Variants in RBFOX1 observed in about 807,000 individuals in gnomAD.
The protein encoded by RBFOX1 is RNA binding protein fox-1 homolog 1.
In RBFOX1, 8 loss-of-function variants were observed where a neutral mutation model predicts 57.7. That is an observed-to-expected ratio of 0.14 (90% CI 0.08 to 0.25). The LOEUF (loss-of-function observed/expected upper bound fraction) is 0.25, where lower values mean the gene tolerates loss of function less well. Ranked by LOEUF, RBFOX1 falls within the 10% of genes least tolerant of loss-of-function variation. RBFOX1 has a pLI of 1.00. For synonymous variants in RBFOX1, 326 were observed against 222.4 expected (o/e 1.47, Z -4.15); for missense variants, 611 against 548.5 (o/e 1.11, Z -1.14).
intron 4 of RBFOX1, among the ~76,000 whole-genome samples, chr16:7,154,877 A>G (rs1036488611): frequency 6.6e-6 from 1 of 152,184 alleles, no homozygotes; most frequent in Non-Finnish European, 1.5e-5. Flanking sequence ...AACCCACTTC[A>G]TAGGTAAGGA....
At chr16:6,933,832 C>G (rs899849571) in intron 3 of RBFOX1, among the ~76,000 whole-genome samples, 3 of 152,188 alleles carry the variant, frequency 2.0e-5, no homozygotes, top group African/African-American at 4.8e-5. Flanking sequence ...GTGTTTACCT[C>G]TCTTTATCTT....
chr16:7,371,856 G>C (rs1168499222), intron 4 of RBFOX1, among the ~76,000 whole-genome samples: 1 of 152,136 alleles, frequency 6.6e-6, no homozygotes, highest in Non-Finnish European at 1.5e-5. Context: ...TAAATGCCCT[G>C]TGTGACTTTA....
chr16:6,441,720 C>T (rs1183272027), intron 2 of RBFOX1, among the ~76,000 whole-genome samples: 8 of 152,070 alleles, frequency 5.3e-5, no homozygotes. Context: ...GTGCAGTCAG[C>T]TTCATTTTCT....
intron 2 of RBFOX1, among the ~76,000 whole-genome samples, chr16:6,615,568 T>TA (rs59851539): frequency 0.019 from 2,682 of 138,838 alleles, 34 homozygotes; most frequent in Middle Eastern, 0.043. Context: ...AATCTCCATC[T>TA]AAAAAAAAAA....
At chr16:7,543,904 A>G (rs1051095316) in intron 5 of RBFOX1, among the ~76,000 whole-genome samples, 1 of 151,504 alleles carries the variant, frequency 6.6e-6, no homozygotes, top group Non-Finnish European at 1.5e-5. Context: ...TATTTTTAGT[A>G]GAGACAGAGT....
At chr16:7,054,394 C>G (rs2051315419) in intron 4 of RBFOX1, among the ~76,000 whole-genome samples, 1 of 151,672 alleles carries the variant, frequency 6.6e-6, no homozygotes, top group Non-Finnish European at 1.5e-5. Flanking sequence ...CACGCGCCAC[C>G]ACGCCCAGCT....
chr16:6,604,665 T>C (rs1324092002), intron 2 of RBFOX1, among the ~76,000 whole-genome samples: 3 of 152,234 alleles, frequency 2.0e-5, no homozygotes, highest in Non-Finnish European at 4.4e-5. Context: ...TCTACTTTTG[T>C]GCATATTGAA....
chr16:6,711,579 G>C (rs1200655298), intron 3 of RBFOX1, among the ~76,000 whole-genome samples: 1 of 152,174 alleles, frequency 6.6e-6, no homozygotes, highest in Non-Finnish European at 1.5e-5. Flanking sequence ...TGTCTCTCCT[G>C]ACACCATGTA....
In RBFOX1 at chr16:6,248,129, C is replaced by T. The variant is rs142425295; in HGVS notation, c.-126-68866C>T. ...TCCTTCCATAATAGGAGCCAGTGTA[C>T]CAGAAGAGGCTGACCTTAAGTTGCG... is the stretch of plus-strand genomic sequence containing the variant. On this transcript the variant is annotated intron_variant, in intron 1 of 15. Transcript: ENST00000550418. Among the ~76,000 whole-genome samples the T allele has an allele frequency of 9.9e-5, 15 of 152,108 alleles. No homozygotes were observed. The East Asian group carries it at 2.9e-3, about 29-fold the overall frequency.
chr16:6,387,032 G>C (rs2092331098), intron 2 of RBFOX1, among the ~76,000 whole-genome samples: 2 of 152,186 alleles, frequency 1.3e-5, no homozygotes, highest in Non-Finnish European at 2.9e-5. Flanking sequence ...ATAGGTTCTG[G>C]AGAGGAACTT....
chr16:7,075,589 C>T (rs534034564), intron 4 of RBFOX1, among the ~76,000 whole-genome samples: 1,529 of 151,296 alleles, frequency 0.01, 28 homozygotes, highest in African/African-American at 0.035. Flanking sequence ...ATTTATTTTT[C>T]TTTTTTTATG....
chr16:5,642,446 T>C (rs2048911608), intron 3 of RBFOX1, among the ~76,000 whole-genome samples: 1 of 152,210 alleles, frequency 6.6e-6, no homozygotes, highest in Non-Finnish European at 1.5e-5. Context: ...ACACTTGTGC[T>C]GGACTCTGAG....
chr16:5,772,836 A>G lies in RBFOX1; in HGVS notation c.319-94467A>G, dbSNP rs574656240. Among the ~76,000 whole-genome samples the G allele has an allele frequency of 2.4e-3, 358 of 152,294 alleles. 1 individual carries two copies. Among genetic ancestry groups the G allele is most frequent in the Non-Finnish European group, 4.2e-3 (289 of 68,018 alleles). ...ATGAATAGTGGGTGAAAAGCAGGGC[A>G]AAGGGCTGTCAGTTACAGTTTTAAA... On this transcript the variant is annotated intron_variant, in intron 3 of 19. Coordinates refer to the RBFOX1 transcript ENST00000641259.
chr16:7,534,081 T>TTTTTC, intron 5 of RBFOX1, among the ~76,000 whole-genome samples: 2 of 107,484 alleles, frequency 1.9e-5, no homozygotes, highest in East Asian at 2.1e-4. Flanking sequence ...CCCAACGTTT[T>TTTTTC]TTTTCTTTTT....
chr16:7,623,961 G>A lies in RBFOX1; in HGVS notation c.677-6642G>A, dbSNP rs185995384. 2.6e-5 allele frequency among the ~76,000 whole-genome samples: 4 copies of A among 152,288 alleles called. No homozygotes were observed. The East Asian group carries it at 5.8e-4, about 22-fold the overall frequency. On this transcript the variant is annotated intron_variant, in intron 10 of 15. Coordinates refer to ENST00000550418, the MANE Select transcript of RBFOX1 (RefSeq NM_018723.4). The stretch of plus-strand genomic sequence containing the variant: ...GTAAAGTCACATTCTGAAGTACTCA[G>A]AGTTATAGCATTTAAAAATGATTCT...
intron 2 of RBFOX1, among the ~76,000 whole-genome samples, chr16:6,503,985 C>G (rs1021511958): frequency 2.0e-5 from 3 of 152,198 alleles, no homozygotes; most frequent in African/African-American, 4.8e-5. Flanking sequence ...TGTAGTCTCT[C>G]CCTTTTTAAG....
intron 1 of RBFOX1, among the ~76,000 whole-genome samples, chr16:5,453,192 A>G (rs1226988239): frequency 3.9e-5 from 6 of 152,140 alleles, no homozygotes; most frequent in Non-Finnish European, 8.8e-5. Context: ...TCCCAGCACT[A>G]GACTAAGAGC....
chr16:5,654,761 C>T (rs943791110), intron 3 of RBFOX1, among the ~76,000 whole-genome samples: 3 of 151,776 alleles, frequency 2.0e-5, no homozygotes, highest in African/African-American at 7.3e-5. Flanking sequence ...TTCTCCTTTC[C>T]CTTCCTCCTT....
chr16:5,568,227 G>A (rs566363549), intron 2 of RBFOX1, among the ~76,000 whole-genome samples: 3 of 152,220 alleles, frequency 2.0e-5, no homozygotes, highest in Non-Finnish European at 2.9e-5. Context: ...TGCAGCGTAT[G>A]GGGGCCTGTG....
Sources: allele counts gnomAD v4.1 joint callset (sites outside exome capture counted in the v4.1 genomes callset), GRCh38; gene constraint gnomAD v4.1.1; transcripts MANE v1.5; gene names NCBI Gene and HGNC (gene_info 2026-07-23, HGNC 2026-07-21).